The following ZBTB20 variants were observed in gnomAD, a reference collection of about 807,000 sequenced individuals.
ZBTB20 encodes the protein zinc finger and BTB domain containing 20.
ZBTB20 carries 9 observed loss-of-function variants against 56.9 expected under a neutral mutation model. The ratio of observed to expected loss-of-function variants is 0.16; its 90% CI spans 0.10 to 0.28. ZBTB20 has a LOEUF of 0.28. Among genes scored for constraint, ZBTB20 ranks in the 10% least tolerant of loss-of-function variants. ZBTB20 has a pLI of 1.00. For missense variants in ZBTB20, 655 were observed against 1,003.0 expected, an observed-to-expected ratio of 0.65 and a Z score of 4.69; for synonymous variants, 417 against 420.7, an observed-to-expected ratio of 0.99 and a Z score of 0.11.
chr3:114,584,294 AT>A (rs2054952332), intron 6 of ZBTB20, among the ~76,000 whole-genome samples: 1 of 152,068 alleles, frequency 6.6e-6, no homozygotes, highest in Admixed American at 6.5e-5. Flanking sequence ...AAAGATTTTT[AT>A]TTTTTTCTAA....
At chr3:114,483,338 A>C (rs1384785971) in intron 7 of ZBTB20, among the ~76,000 whole-genome samples, 1 of 152,058 alleles carries the variant, frequency 6.6e-6, no homozygotes, top group African/African-American at 2.4e-5. Flanking sequence ...ACCATTATTT[A>C]CAGTGATTTT....
intron 5 of ZBTB20, among the ~76,000 whole-genome samples, chr3:114,752,252 ATC>A (rs1329238754): frequency 3.9e-4 from 2 of 5,188 alleles, no homozygotes; most frequent in Non-Finnish European, 3.7e-3. Flanking sequence ...TGACTCTCGT[ATC>A]TATCTACTCT....
intron 7 of ZBTB20, among the ~76,000 whole-genome samples, chr3:114,456,878 T>C (rs2092051668): frequency 6.6e-6 from 1 of 152,170 alleles, no homozygotes; most frequent in African/African-American, 2.4e-5. Context: ...CATTGCTACT[T>C]AGGGAGAAAG....
At chr3:114,663,029 T>C (rs1039200333) in intron 6 of ZBTB20, among the ~76,000 whole-genome samples, 3 of 149,854 alleles carry the variant, frequency 2.0e-5, no homozygotes, top group Non-Finnish European at 4.4e-5. Context: ...ATTCAGGAAA[T>C]ACAGAGAACG....
At chr3:114,602,763 C>G (rs563442121) in intron 6 of ZBTB20, among the ~76,000 whole-genome samples, 1 of 152,048 alleles carries the variant, frequency 6.6e-6, no homozygotes, top group Admixed American at 6.6e-5. Context: ...GTATAAAACT[C>G]CCCCCAAAAA....
Position 115,026,844 on chromosome 3 carries a change from A to C in ZBTB20, c.-507+44375T>G, listed in dbSNP as rs147698529. 3.8e-3 allele frequency among the ~76,000 whole-genome samples: 572 copies of C among 150,890 alleles called. 4 individuals are homozygous for C. The highest frequency in any genetic ancestry group is 0.013 in the African/African-American group (534 of 41,380). On this transcript the variant is annotated intron_variant, in intron 2 of 11. Transcript: ENST00000675478. The stretch of plus-strand genomic sequence containing the variant: ...AACATTGCGGGAGGAAAATAGAATA[A>C]AAAGCAACAGTAACAATATAAAAAA...
intron 4 of ZBTB20, among the ~76,000 whole-genome samples, chr3:114,815,066 T>G (rs1218665923): frequency 6.6e-6 from 1 of 152,208 alleles, no homozygotes; most frequent in Admixed American, 6.5e-5. Context: ...AACTTCCTAG[T>G]AATGACTAAC....
chr3:114,350,001 T>C (rs892171434), intron 11 of ZBTB20, among the ~76,000 whole-genome samples: 1 of 152,164 alleles, frequency 6.6e-6, no homozygotes, highest in South Asian at 2.1e-4. Context: ...ATATGGCTTA[T>C]ATAATGACCT....
chr3:114,395,689 G>A (rs1254808833), intron 7 of ZBTB20, among the ~76,000 whole-genome samples: 1 of 152,102 alleles, frequency 6.6e-6, no homozygotes, highest in Admixed American at 6.6e-5. Context: ...TACTGATGCT[G>A]TGATAACTAT....
intron 6 of ZBTB20, among the ~76,000 whole-genome samples, chr3:114,648,076 T>C (rs1055481041): frequency 1.3e-5 from 2 of 152,086 alleles, no homozygotes; most frequent in African/African-American, 4.8e-5. Flanking sequence ...TTTTGTGCTA[T>C]GTTTTGACTA....
Position 114,322,752 on chromosome 3 carries a change from A to G in ZBTB20, c.*16253T>C, listed in dbSNP as rs2078938038. The G allele has an allele frequency of 6.6e-6, 1 of 152,228 alleles. No homozygotes were observed. Among genetic ancestry groups the G allele is most frequent in the Non-Finnish European group, 1.5e-5 (1 of 68,032 alleles). The allele number at this position is 152,228 out of a possible 1,614,324, so 9.4% of individuals were successfully genotyped here. Reference sequence around the variant, plus strand: ...GAGTGCTTAAGGAATTTCTTATGCTAGTTTGGATGGCTCTAAATGGAGTTT... The same window carrying G: ...GAGTGCTTAAGGAATTTCTTATGCTGGTTTGGATGGCTCTAAATGGAGTTT... On this transcript the variant is annotated 3_prime_UTR_variant, in exon 12 of 12. Coordinates refer to ENST00000675478, the MANE Select transcript of ZBTB20 (RefSeq NM_001348800.3).
intron 5 of ZBTB20, among the ~76,000 whole-genome samples, chr3:114,760,449 G>A (rs1054317777): frequency 6.6e-6 from 1 of 152,146 alleles, no homozygotes; most frequent in African/African-American, 2.4e-5. Context: ...TAAAGGTTGG[G>A]TAGAAGTACC....
At position 114,380,355 on chromosome 3, in the gene ZBTB20, T is replaced by A. The variant is rs1321516954; in HGVS notation, c.61A>T (p.Ile21Phe). 3.3e-6 allele frequency: 5 copies of A among 1,536,922 alleles called. No homozygotes were observed. The highest frequency in any genetic ancestry group is 4.4e-6 in the Non-Finnish European group (5 of 1,146,820). ...GCGCTGGATCCACCCGGCTGAGTAA[T>A]CTCATTCTCCTCAGATGCCTTCTGG... The part of the protein sequence containing the change: ...ENQKASEENE[I>F]TQPGGSSAKP... Residue 21 changes from isoleucine (I) to phenylalanine (F), a missense_variant, in exon 10 of 12, where the codon ATT becomes TTT. By Grantham distance (21) the Ile-to-Phe change is conservative. Around this residue, in one of 10 missense-constraint regions of ZBTB20, gnomAD observed 79 missense variants for 78.4 expected, o/e 1.01. Transcript: ENST00000675478.
rs72945780 is a variant in ZBTB20, at chr3:115,110,198, A to G, written c.-703+37021T>C. Among the ~76,000 whole-genome samples the G allele has an allele frequency of 5.7e-3, 847 of 149,200 alleles. 11 individuals carry two copies. The highest frequency in any genetic ancestry group is 0.02 in the African/African-American group (821 of 40,474). Reference sequence around the variant, plus strand: ...CTGCACTCCAGCCTGGGCGATAGGGACTCTGTCTTAGAAAAAAAAAAAAAA... The same window carrying G: ...CTGCACTCCAGCCTGGGCGATAGGGGCTCTGTCTTAGAAAAAAAAAAAAAA... On this transcript the variant is annotated intron_variant, in intron 1 of 11. Transcript: ENST00000675478.
chr3:114,961,108 C>T (rs2077434102), intron 3 of ZBTB20, among the ~76,000 whole-genome samples: 1 of 146,076 alleles, frequency 6.8e-6, no homozygotes, highest in African/African-American at 2.5e-5. Flanking sequence ...TGTCCTTCTA[C>T]AGGTAAAAAA....
chr3:114,434,669 C>A (rs1006449340), intron 7 of ZBTB20, among the ~76,000 whole-genome samples: 1 of 151,786 alleles, frequency 6.6e-6, no homozygotes, highest in African/African-American at 2.4e-5. Context: ...TGAAAAAATA[C>A]GGTTTCTTTG....
At chr3:115,063,747 G>A (rs535625038) in intron 2 of ZBTB20, among the ~76,000 whole-genome samples, 6 of 151,742 alleles carry the variant, frequency 4.0e-5, no homozygotes, top group South Asian at 2.1e-4. Context: ...ACAGCATCCC[G>A]TATCCAAAAC....
Position 114,458,533 on chromosome 3 carries a change from T to C in ZBTB20, c.-255+41819A>G, listed in dbSNP as rs557105394. ...CACATTTTTTTCTCATGGGCAGATA[T>C]TTCCAGAGCTGATGACCTGCTCATG... On this transcript the variant is annotated intron_variant, in intron 7 of 11. Transcript: ENST00000675478. 2.0e-5 allele frequency among the ~76,000 whole-genome samples: 3 copies of C among 152,290 alleles called. No homozygotes were observed. The South Asian group carries it at 6.2e-4, about 32-fold the overall frequency.
intron 7 of ZBTB20, among the ~76,000 whole-genome samples, chr3:114,496,620 T>C (rs2043309943): frequency 6.6e-6 from 1 of 152,188 alleles, no homozygotes; most frequent in Non-Finnish European, 1.5e-5. Flanking sequence ...GAAAATTTCC[T>C]TTAAATTGTC....
Sources: gnomAD v4.1 joint callset for allele counts (sites outside exome capture counted in the v4.1 genomes callset) on GRCh38, gnomAD v4.1.1 for gene constraint, gnomAD v4.1.1 regional missense constraint, MANE v1.5 for transcripts, NCBI Gene and HGNC (gene_info 2026-07-23, HGNC 2026-07-21) for gene names.